Variants in KPNB1 observed in about 807,000 individuals in gnomAD.
KPNB1 encodes karyopherin subunit beta 1, also known as importin subunit beta-1.
KPNB1 carries 7 observed loss-of-function variants against 113.0 expected under a neutral mutation model. The observed-to-expected ratio is 0.06, with a 90% CI of 0.04 to 0.12. The LOEUF (loss-of-function observed/expected upper bound fraction) is 0.12, where lower values mean the gene tolerates loss of function less well. KPNB1 is among the 10% of genes least tolerant of loss of function. The pLI is 1.00. For synonymous variants in KPNB1, 363 were observed against 378.6 expected (o/e 0.96, Z 0.48); for missense variants, 400 against 1,054.8 (o/e 0.38, Z 8.60).
At chr17:47,651,215 AATG>A (rs1915558428) in intron 2 of KPNB1, 1 of 985,216 alleles carries the variant, frequency 1.0e-6, no homozygotes, top group African/African-American at 1.7e-5. Flanking sequence ...GTCCGGAGAA[AATG>A]AAGCTAAGTC....
At chr17:47,673,241 T>C in intron 13 of KPNB1, 76 bp downstream of exon 13, 1 of 1,376,924 alleles carries the variant, frequency 7.3e-7, no homozygotes, top group Non-Finnish European at 1.0e-6. Flanking sequence ...TTTTCCAGAC[T>C]GTTCTGTCTT....
intron 14 of KPNB1, 29 bp from the exon 15 acceptor site, chr17:47,674,608 AC>A (rs1473192793): frequency 6.3e-7 from 1 of 1,599,410 alleles, no homozygotes; most frequent in Non-Finnish European, 8.5e-7. Context: ...TTTGGAATCA[AC>A]TGATCTTGAA....
intron 12 of KPNB1, among the ~76,000 whole-genome samples, chr17:47,671,412 G>T (rs777359483): frequency 6.6e-6 from 1 of 152,150 alleles, no homozygotes; most frequent in South Asian, 2.1e-4. Context: ...ATCTAGAGAG[G>T]TTCCTTCATT....
intron 9 of KPNB1, 31 bp downstream of exon 9, chr17:47,665,189 G>A (rs2030230437): frequency 6.6e-7 from 1 of 1,517,860 alleles, no homozygotes; most frequent in South Asian, 1.1e-5. Context: ...AGGTAGGTAA[G>A]CTGTGGAACC....
intron 4 of KPNB1, among the ~76,000 whole-genome samples, chr17:47,658,088 CTT>C (rs927850837): frequency 3.9e-5 from 6 of 152,102 alleles, no homozygotes; most frequent in Non-Finnish European, 4.4e-5. Context: ...GACCCTGTCT[CTT>C]AAGAACAGAA....
chr17:47,652,029 T>C (rs1450127727), intron 2 of KPNB1, among the ~76,000 whole-genome samples: 1 of 152,232 alleles, frequency 6.6e-6, no homozygotes, highest in Non-Finnish European at 1.5e-5. Context: ...TCTAAATATC[T>C]TATCACTTTT....
intron 6 of KPNB1, 105 bp downstream of exon 6, chr17:47,661,283 G>T: frequency 2.3e-6 from 2 of 862,324 alleles, no homozygotes; most frequent in South Asian, 1.4e-5. Flanking sequence ...CAGCAATAAG[G>T]TTTGATTAAT....
chr17:47,672,978 T>C, intron 12 of KPNB1, 40 bp from the exon 13 acceptor site: 1 of 1,587,104 alleles, frequency 6.3e-7, no homozygotes, highest in East Asian at 2.3e-5. Flanking sequence ...CCCTGTCCTT[T>C]TCATTTGAGG....
chr17:47,665,138 A>G lies in KPNB1; in HGVS notation c.979A>G (p.Thr327Ala). 6.2e-7 allele frequency: 1 copy of G among 1,613,776 alleles called. No individual in the cohort carries two copies. Among genetic ancestry groups the G allele is most frequent in the Non-Finnish European group, 8.5e-7 (1 of 1,179,650 alleles). ...GALQYLVPIL[T>A]QTLTKQDEND... ...ACTACAGTATCTGGTTCCAATCCTC[A>G]CACAGACACTAACTAAACAGGTGAG... Residue 327 changes from threonine to alanine, a missense_variant, in exon 9 of 22, where the codon ACA (threonine) becomes GCA (alanine). Physicochemically the swap from Thr to Ala is moderately conservative, Grantham distance 58. Around this residue, in one of 2 missense-constraint regions of KPNB1, gnomAD observed 285 missense variants for 627.0 expected, o/e 0.45. Transcript: ENST00000290158.
chr17:47,676,930 T>G (rs1328474935), intron 16 of KPNB1, 90 bp from the exon 17 acceptor site: 13 of 940,188 alleles, frequency 1.4e-5, no homozygotes, highest in Non-Finnish European at 2.2e-5. Flanking sequence ...TAGGTTCAAG[T>G]GATAAAAGCT....
chr17:47,653,510 G>A (rs1448445865), intron 3 of KPNB1, among the ~76,000 whole-genome samples: 1 of 152,090 alleles, frequency 6.6e-6, no homozygotes, highest in Non-Finnish European at 1.5e-5. Context: ...CCAAAGTGCT[G>A]GGATTACAGG....
Position 47,650,139 on chromosome 17 carries a change from A to AC in KPNB1, c.-103dup. On this transcript the variant is annotated 5_prime_UTR_variant, in exon 1 of 22. Transcript: ENST00000290158. ...TGTGGTGACCCCCGCCCCCCACCCC[A>AC]CCCTCCCTTCCCACCCGACCCCCAA... is the stretch of plus-strand genomic sequence containing the variant. 4 of 186,746 alleles carry AC rather than the reference A, an allele frequency of 2.1e-5. No individual in the cohort carries two copies. The highest frequency in any genetic ancestry group is 7.3e-5 in the South Asian group (1 of 13,702). 11.6% of individuals were successfully genotyped at this position (186,746 alleles called of 1,614,324 possible). A position where few individuals can be genotyped will look rare whatever the true frequency, so the allele number is the denominator to read the frequency against.
Position 47,683,090 on chromosome 17 carries a change from T to TAAAAAAAAAAAAAAAAA in KPNB1, c.*699_*715dup. 5.8e-5 allele frequency: 1 copy of TAAAAAAAAAAAAAAAAA among 17,256 alleles called. No individual in the cohort carries two copies. The highest frequency in any genetic ancestry group is 9.8e-5 in the Non-Finnish European group (1 of 10,230). The allele number at this position is 17,256 out of a possible 1,614,324, so 1.1% of individuals were successfully genotyped here. On this transcript the variant is annotated 3_prime_UTR_variant, in exon 22 of 22. Coordinates refer to ENST00000290158, the MANE Select transcript of KPNB1 (RefSeq NM_002265.6). ...GTTTACTGATGCAGCACAAGAGATGTAAAAAAAAAAAAAAAAAAAAAAAAA... is the reference window on the plus strand; with the variant it reads ...GTTTACTGATGCAGCACAAGAGATGTAAAAAAAAAAAAAAAAAAAAAAAAAAAAAAAAAAAAAAAAAA...
At chr17:47,666,192 A>T (rs907583576) in intron 9 of KPNB1, among the ~76,000 whole-genome samples, 1 of 151,864 alleles carries the variant, frequency 6.6e-6, no homozygotes, top group Non-Finnish European at 1.5e-5. Context: ...AGCTGGAAGT[A>T]CAGGTGCGCA....
intron 12 of KPNB1, among the ~76,000 whole-genome samples, chr17:47,671,113 C>T (rs1036196185): frequency 4.6e-5 from 7 of 152,176 alleles, no homozygotes; most frequent in Non-Finnish European, 8.8e-5. Flanking sequence ...AAAAATTAGC[C>T]GGGCGTGCTG....
rs187518259 is a variant in KPNB1, at chr17:47,661,115, A to G, written c.637-4A>G. On this transcript the variant is annotated splice_polypyrimidine_tract_variant and splice_region_variant and intron_variant, in intron 5 of 21. Coordinates refer to ENST00000290158, the MANE Select transcript of KPNB1 (RefSeq NM_002265.6). Reference sequence around the variant, plus strand: ...AATTCTCTTTATTTTTATTCCTCCTACAGTCTGAAAGGCACTTTATTATGC... The same window carrying G: ...AATTCTCTTTATTTTTATTCCTCCTGCAGTCTGAAAGGCACTTTATTATGC... The G allele has an allele frequency of 4.5e-5, 72 of 1,609,230 alleles. No individual in the cohort carries two copies. In the Admixed American group the frequency reaches 1.2e-3, roughly 26 times the overall value.
chr17:47,675,046 C>T (rs1044514518), intron 15 of KPNB1, among the ~76,000 whole-genome samples: 2 of 152,094 alleles, frequency 1.3e-5, no homozygotes, highest in Non-Finnish European at 2.9e-5. Flanking sequence ...TCTTGAACTC[C>T]TGAGTCAAGT....
intron 15 of KPNB1, 107 bp downstream of exon 15, chr17:47,674,889 G>A (rs1002730446): frequency 1.2e-5 from 14 of 1,156,156 alleles, no homozygotes; most frequent in African/African-American, 1.1e-4. Flanking sequence ...CGATCTTGGC[G>A]CACTGCAGCC....
In KPNB1 at chr17:47,682,496, G is replaced by T. The variant is rs1435682336; in HGVS notation, c.*92G>T. The T allele has an allele frequency of 2.6e-6, 2 of 770,762 alleles. No individual in the cohort carries two copies. Among genetic ancestry groups the T allele is most frequent in the Non-Finnish European group, 4.8e-6 (2 of 414,418 alleles). The allele number at this position is 770,762 out of a possible 1,614,324, so 47.7% of individuals were successfully genotyped here. A position where few individuals can be genotyped will look rare whatever the true frequency, so the allele number is the denominator to read the frequency against. Reference sequence around the variant, plus strand: ...GAAGTGAGGAGTGTGCACGGATGCTGAATGTTTGGGAATGAGAGGATGAGT... The same window carrying T: ...GAAGTGAGGAGTGTGCACGGATGCTTAATGTTTGGGAATGAGAGGATGAGT... On this transcript the variant is annotated 3_prime_UTR_variant, in exon 22 of 22. Transcript: ENST00000290158.
Sources: allele counts gnomAD v4.1 joint callset (sites outside exome capture counted in the v4.1 genomes callset), GRCh38; gene constraint gnomAD v4.1.1; regional missense constraint gnomAD v4.1.1; transcripts MANE v1.5; gene names NCBI Gene and HGNC (gene_info 2026-07-23, HGNC 2026-07-21).